PDZD2: variants seen among roughly 807,000 people sequenced by gnomAD.
PDZD2 encodes the protein PDZ domain containing 2.
In PDZD2, 90 loss-of-function variants were observed where a neutral mutation model predicts 220.7. The ratio of observed to expected loss-of-function variants is 0.41; its 90% CI spans 0.34 to 0.49. The LOEUF (loss-of-function observed/expected upper bound fraction) is 0.49. Ranked by LOEUF, PDZD2 falls within the 20% of genes least tolerant of loss-of-function variation. The pLI, the probability that PDZD2 is intolerant of heterozygous loss-of-function variation, is 0.28. For synonymous variants in PDZD2, 1,375 were observed against 1,450.5 expected (o/e 0.95, Z 1.18); for missense variants, 3,174 against 3,608.5 (o/e 0.88, Z 3.08).
chr5:32,052,595 G>A lies in PDZD2; in HGVS notation c.1666-16G>A, dbSNP rs374768130. 748 of 1,612,518 alleles carry A rather than the reference G, an allele frequency of 4.6e-4. 3 individuals are homozygous for A. The highest frequency in any genetic ancestry group is 1.4e-4 in the Non-Finnish European group (161 of 1,178,534). On this transcript the variant is annotated splice_polypyrimidine_tract_variant and intron_variant, in intron 8 of 24. Transcript: ENST00000438447. ...AATGAGAGTAATCTCTGACCTTGCCGTGTGCTGACTTTTAGGAATACCACA... is the reference window on the plus strand; with the variant it reads ...AATGAGAGTAATCTCTGACCTTGCCATGTGCTGACTTTTAGGAATACCACA...
Position 31,806,351 on chromosome 5 carries a change from A to G in PDZD2, c.476+6627A>G, listed in dbSNP as rs191241253. ...AAAAATTCAAGGCCATGGGTTTGACAGAACTTCTGTACCCCAGACCCGCTT... is the reference window on the plus strand; with the variant it reads ...AAAAATTCAAGGCCATGGGTTTGACGGAACTTCTGTACCCCAGACCCGCTT... On this transcript the variant is annotated intron_variant, in intron 2 of 24. Transcript: ENST00000438447. Among the ~76,000 whole-genome samples, 11 of 152,348 alleles carry G rather than the reference A, an allele frequency of 7.2e-5. 1 individual carries two copies. The highest frequency in any genetic ancestry group is 2.6e-4 in the African/African-American group (11 of 41,586).
rs10692103 is a variant in PDZD2 at position 31,661,797 on chromosome 5, T to TTTC, written c.-361+22363_-361+22365dup. Among the ~76,000 whole-genome samples the TTTC allele has an allele frequency of 1.3e-5, 2 of 151,172 alleles. 1 individual carries two copies. The highest frequency in any genetic ancestry group is 4.2e-4 in the South Asian group (2 of 4,728). Reference sequence around the variant, plus strand: ...AGTTCCTCCCTTGGTTTTTTTTTTTTTTCTTTTTTTTTCATCAGAGATATT... The same window carrying TTTC: ...AGTTCCTCCCTTGGTTTTTTTTTTTTTTCTTCTTTTTTTTTCATCAGAGATATT... On this transcript the variant is annotated intron_variant, in intron 1 of 24. Coordinates refer to ENST00000438447, the MANE Select transcript of PDZD2 (RefSeq NM_178140.4).
intron 2 of PDZD2, among the ~76,000 whole-genome samples, chr5:31,931,447 T>C (rs1230101978): frequency 6.6e-6 from 1 of 152,184 alleles, no homozygotes; most frequent in Non-Finnish European, 1.5e-5. Context: ...CGTGAGGCGC[T>C]GTGCCTGGCC....
At chr5:31,986,832 C>A (rs1408835749) in intron 3 of PDZD2, among the ~76,000 whole-genome samples, 2 of 152,162 alleles carry the variant, frequency 1.3e-5, no homozygotes, top group African/African-American at 4.8e-5. Context: ...TAGACTGTTA[C>A]TTGTTCTAAG....
chr5:32,022,378 T>TG (rs1754290646), intron 6 of PDZD2, among the ~76,000 whole-genome samples: 1 of 150,600 alleles, frequency 6.6e-6, no homozygotes, highest in Admixed American at 6.6e-5. Flanking sequence ...TTTTTTTTTT[T>TG]TGTATTTTAG....
intron 1 of PDZD2, among the ~76,000 whole-genome samples, chr5:31,669,850 G>A (rs2150117308): frequency 6.6e-6 from 1 of 152,212 alleles, no homozygotes. Flanking sequence ...TCTTAAATGG[G>A]CCGTAAAATA....
chr5:31,901,259 A>C (rs1224858595), intron 2 of PDZD2, among the ~76,000 whole-genome samples: 1 of 152,042 alleles, frequency 6.6e-6, no homozygotes, highest in Non-Finnish European at 1.5e-5. Context: ...CTCTACTAAA[A>C]ATACAAAAAT....
chr5:31,730,093 G>A (rs926153820), intron 1 of PDZD2, among the ~76,000 whole-genome samples: 66 of 152,342 alleles, frequency 4.3e-4, no homozygotes, highest in African/African-American at 1.5e-3. Context: ...CTCCCAAAGT[G>A]CTGGGATTAC....
chr5:31,679,481 T>TGTGTG (rs1268276866), intron 1 of PDZD2, among the ~76,000 whole-genome samples: 1 of 151,894 alleles, frequency 6.6e-6, no homozygotes. Context: ...TGTGGTGTGT[T>TGTGTG]GTGTTGAGTT....
At position 32,087,265 on chromosome 5, in the gene PDZD2, G is replaced by T; in HGVS notation, c.3817G>T (p.Val1273Phe). The T allele has an allele frequency of 6.2e-7, 1 of 1,614,178 alleles. No individual in the cohort carries two copies. The highest frequency in any genetic ancestry group is 2.2e-5 in the East Asian group (1 of 44,874). Residue 1273 changes from valine to phenylalanine, a missense_variant, in exon 20 of 25, where the codon GTC (valine) becomes TTC (phenylalanine). By Grantham distance (50) the Val-to-Phe change is conservative. Coordinates refer to ENST00000438447, the MANE Select transcript of PDZD2 (RefSeq NM_178140.4). This position sits in a 1 kb window ranked among gnomAD's most constrained non-coding sequence, Gnocchi z 4.0. ...TCCCAGCCAGCCTGCATCGCCCAGG[G>T]TCACCAAGTGCAAGGCCAGGTCTCC... Reference protein sequence around the residue: ...ENPSQPASPRVTKCKARSPVR... With the variant: ...ENPSQPASPRFTKCKARSPVR...
intron 2 of PDZD2, among the ~76,000 whole-genome samples, chr5:31,805,056 G>A (rs1428234249): frequency 6.6e-6 from 1 of 152,198 alleles, no homozygotes; most frequent in East Asian, 1.9e-4. Context: ...TTAGCCAGGT[G>A]TGGTGATGCA....
intron 1 of PDZD2, among the ~76,000 whole-genome samples, chr5:31,723,927 CCT>C (rs1277050400): frequency 1.3e-5 from 2 of 152,006 alleles, no homozygotes; most frequent in Non-Finnish European, 2.9e-5. Context: ...CCTCAACTTG[CCT>C]CTTTTTGAAT....
intron 23 of PDZD2, chr5:32,100,741 T>A: frequency 2.2e-6 from 1 of 447,048 alleles, no homozygotes; most frequent in Non-Finnish European, 4.1e-6. Flanking sequence ...AAATTTGGAG[T>A]CCCCAAGTGT....
rs148049240 is a variant in PDZD2 at position 31,935,012 on chromosome 5, C to T, written c.477-48143C>T. On this transcript the variant is annotated intron_variant, in intron 2 of 24. Transcript: ENST00000438447. ...TTGAGGCAGGAGAATCTCTTGAACCCGGAAGATGGAGGTTGCAGTGGGCCG... is the reference window on the plus strand; with the variant it reads ...TTGAGGCAGGAGAATCTCTTGAACCTGGAAGATGGAGGTTGCAGTGGGCCG... 5.1e-3 allele frequency among the ~76,000 whole-genome samples: 772 copies of T among 151,170 alleles called. 7 individuals are homozygous for T. Among genetic ancestry groups the T allele is most frequent in the African/African-American group, 0.018 (729 of 41,172 alleles).
chr5:32,088,211 A>C lies in PDZD2; in HGVS notation c.4763A>C (p.Lys1588Thr). The C allele has an allele frequency of 6.2e-7, 1 of 1,614,164 alleles. No homozygotes were observed. The highest frequency in any genetic ancestry group is 2.2e-5 in the East Asian group (1 of 44,870). ...CCTCGTTCCCGTGTGTCTTTGCACA[A>C]GGAAGATCCTTCGGAGTCAGAAGAG... Reference protein sequence around the residue: ...SPPRSRVSLHKEDPSESEEEQ... With the variant: ...SPPRSRVSLHTEDPSESEEEQ... Residue 1588 changes from lysine to threonine, a missense_variant, in exon 20 of 25, where the codon AAG becomes ACG. By Grantham distance (78) the Lys-to-Thr change is moderately conservative (BLOSUM62 -1). Transcript: ENST00000438447. The surrounding 1 kb of genome is among the most constrained non-coding windows in gnomAD (Gnocchi z 4.6).
chr5:31,712,757 G>C (rs1561399796), intron 1 of PDZD2, among the ~76,000 whole-genome samples: 1 of 152,190 alleles, frequency 6.6e-6, no homozygotes, highest in Non-Finnish European at 1.5e-5. Context: ...CGTGTGCACA[G>C]AAAAGCGCAG....
intron 24 of PDZD2, among the ~76,000 whole-genome samples, chr5:32,106,847 T>C (rs1295582151): frequency 6.6e-6 from 1 of 152,224 alleles, no homozygotes; most frequent in East Asian, 1.9e-4. Flanking sequence ...CAAATCATTT[T>C]CCTGGGGCCC....
intron 1 of PDZD2, among the ~76,000 whole-genome samples, chr5:31,722,008 A>C (rs1248616403): frequency 6.6e-6 from 1 of 152,058 alleles, no homozygotes; most frequent in East Asian, 1.9e-4. Flanking sequence ...ATCCATCAGC[A>C]AGCCCTGTCT....
At chr5:32,055,500 A>G (rs770780579) in intron 10 of PDZD2, among the ~76,000 whole-genome samples, 5 of 151,662 alleles carry the variant, frequency 3.3e-5, no homozygotes, top group African/African-American at 4.9e-5. Context: ...CCTAGCCTGC[A>G]CATATTTTAA....
Sources: allele counts gnomAD v4.1 joint callset (sites outside exome capture counted in the v4.1 genomes callset), GRCh38; gene constraint gnomAD v4.1.1; non-coding constraint Gnocchi (gnomAD v3.1); transcripts MANE v1.5; gene names NCBI Gene and HGNC (gene_info 2026-07-23, HGNC 2026-07-21).